The following PTPRD variants were observed in gnomAD, a reference collection of about 807,000 sequenced individuals.
The protein encoded by PTPRD is receptor-type tyrosine-protein phosphatase delta.
Under a neutral mutation model 214.5 loss-of-function variants are expected in PTPRD, and 34 were observed. The ratio of observed to expected loss-of-function variants is 0.16; its 90% CI spans 0.12 to 0.21. The LOEUF (loss-of-function observed/expected upper bound fraction) is 0.21. PTPRD is among the 10% of genes least tolerant of loss of function. The pLI, the probability that PTPRD is intolerant of heterozygous loss-of-function variation, is 1.00. For synonymous variants in PTPRD, 1,128 were observed against 845.7 expected (o/e 1.33, Z -5.79); for missense variants, 2,545 against 2,398.7 (o/e 1.06, Z -1.27).
intron 2 of PTPRD, among the ~76,000 whole-genome samples, chr9:10,556,451 C>T (rs1302410576): frequency 6.6e-6 from 1 of 151,872 alleles, no homozygotes; most frequent in Non-Finnish European, 1.5e-5. Flanking sequence ...TTCTATAGGG[C>T]ACATATATTA....
chr9:8,443,896 G>C (rs536474845), intron 34 of PTPRD, among the ~76,000 whole-genome samples: 52 of 152,166 alleles, frequency 3.4e-4, no homozygotes, highest in African/African-American at 1.1e-3. Flanking sequence ...ACACATATTA[G>C]TAATTTGTTT....
chr9:8,565,721 C>T (rs1390549843), intron 14 of PTPRD, among the ~76,000 whole-genome samples: 2 of 152,240 alleles, frequency 1.3e-5, no homozygotes, highest in Admixed American at 1.3e-4. Flanking sequence ...ATTTAAACTG[C>T]TAAAGATCCT....
intron 2 of PTPRD, among the ~76,000 whole-genome samples, chr9:10,371,849 T>C (rs1301727188): frequency 6.6e-6 from 1 of 152,158 alleles, no homozygotes; most frequent in Non-Finnish European, 1.5e-5. Flanking sequence ...ACATACCTAC[T>C]GCCTTGTACC....
intron 2 of PTPRD, among the ~76,000 whole-genome samples, chr9:10,463,902 C>T (rs1227991836): frequency 2.0e-5 from 3 of 152,088 alleles, no homozygotes; most frequent in Admixed American, 2.0e-4. Context: ...CCCTTTTATT[C>T]TGCAGAGGTT....
chr9:10,272,232 T>G (rs932908826), intron 3 of PTPRD, among the ~76,000 whole-genome samples: 3 of 152,364 alleles, frequency 2.0e-5, no homozygotes, highest in Admixed American at 2.0e-4. Context: ...CTGGCTTCTT[T>G]CGCTTAACAT....
chr9:8,441,855 T>C (rs979329004), intron 34 of PTPRD, among the ~76,000 whole-genome samples: 1 of 152,188 alleles, frequency 6.6e-6, no homozygotes, highest in Non-Finnish European at 1.5e-5. Context: ...TCTGATCCCA[T>C]ACCCCGTACA....
In PTPRD at chr9:10,047,600, A is replaced by T. The variant is rs191157055; in HGVS notation, c.-544-13810T>A. On this transcript the variant is annotated intron_variant, in intron 3 of 45. Coordinates refer to ENST00000381196, the MANE Select transcript of PTPRD (RefSeq NM_002839.4). ...TTTTTGTTCCCACCTCTATGGCTCCAACATTTATACCCCTGCCAAAATTTG... is the reference window on the plus strand; with the variant it reads ...TTTTTGTTCCCACCTCTATGGCTCCTACATTTATACCCCTGCCAAAATTTG... Among the ~76,000 whole-genome samples, 5 of 152,108 alleles carry T rather than the reference A, an allele frequency of 3.3e-5. No homozygotes were observed. In the East Asian group the frequency reaches 9.7e-4, roughly 29 times the overall value.
At chr9:9,712,137 A>T (rs1003321777) in intron 7 of PTPRD, among the ~76,000 whole-genome samples, 2 of 152,162 alleles carry the variant, frequency 1.3e-5, no homozygotes, top group African/African-American at 4.8e-5. Flanking sequence ...AACCAAATAT[A>T]AAATTATAAC....
At chr9:10,338,811 T>C (rs1409408537) in intron 3 of PTPRD, among the ~76,000 whole-genome samples, 1 of 151,646 alleles carries the variant, frequency 6.6e-6, no homozygotes, top group Non-Finnish European at 1.5e-5. Flanking sequence ...TATTTTTCTC[T>C]AAGAAAGTGA....
chr9:8,486,404 A>G (rs2135988038), intron 27 of PTPRD, 55 bp from the exon 28 acceptor site: 1 of 1,446,416 alleles, frequency 6.9e-7, no homozygotes, highest in East Asian at 2.3e-5. Context: ...TTCACATTTC[A>G]GTCATTGCCA....
intron 12 of PTPRD, among the ~76,000 whole-genome samples, chr9:8,670,642 T>C (rs566943993): frequency 3.3e-5 from 5 of 152,294 alleles, no homozygotes; most frequent in Admixed American, 3.3e-4. Context: ...AAATTTGTTT[T>C]TTAAAAATCT....
intron 2 of PTPRD, among the ~76,000 whole-genome samples, chr9:10,481,230 T>C (rs2099095752): frequency 6.6e-6 from 1 of 152,214 alleles, no homozygotes; most frequent in Non-Finnish European, 1.5e-5. Flanking sequence ...ATCAAGCCAA[T>C]GAATGTCATT....
intron 5 of PTPRD, among the ~76,000 whole-genome samples, chr9:9,893,423 G>T (rs2074022981): frequency 6.6e-6 from 1 of 152,112 alleles, no homozygotes; most frequent in African/African-American, 2.4e-5. Context: ...AAAATAATGA[G>T]ATGGAGGAAC....
chr9:8,344,089 GTC>G (rs1243507710), intron 39 of PTPRD, among the ~76,000 whole-genome samples: 3 of 152,044 alleles, frequency 2.0e-5, no homozygotes, highest in African/African-American at 4.8e-5. Flanking sequence ...GAAAAGATTT[GTC>G]TTTCTGGGTT....
In PTPRD at chr9:9,300,730, C is replaced by T. The variant is rs1954945833; in HGVS notation, c.-203+96719G>A. Reference sequence around the variant, plus strand: ...GTCACCAGTACCTCATCATGCTGTGCCCTGATCTCAGACTTTCAATTTTTA... The same window carrying T: ...GTCACCAGTACCTCATCATGCTGTGTCCTGATCTCAGACTTTCAATTTTTA... On this transcript the variant is annotated intron_variant, in intron 9 of 45. Transcript: ENST00000381196. Among the ~76,000 whole-genome samples, 8 of 151,868 alleles carry T rather than the reference C, an allele frequency of 5.3e-5. No homozygotes were observed. The South Asian group carries it at 1.7e-3, about 32-fold the overall frequency.
At chr9:8,918,378 C>T (rs1346234695) in intron 11 of PTPRD, among the ~76,000 whole-genome samples, 1 of 152,122 alleles carries the variant, frequency 6.6e-6, no homozygotes, top group African/African-American at 2.4e-5. Context: ...TTAGCCTTAC[C>T]TTTGGAACTT....
intron 7 of PTPRD, among the ~76,000 whole-genome samples, chr9:9,703,755 C>G (rs1315606071): frequency 6.6e-6 from 1 of 151,984 alleles, no homozygotes; most frequent in African/African-American, 2.4e-5. Flanking sequence ...TCTTAGAAAT[C>G]AGGGAGATTA....
chr9:9,766,485 T>C (rs2098708005), intron 6 of PTPRD, among the ~76,000 whole-genome samples: 1 of 152,196 alleles, frequency 6.6e-6, no homozygotes, highest in African/African-American at 2.4e-5. Context: ...TTCAATAATT[T>C]CATCTTCAGA....
At chr9:8,891,717 T>A (rs760613668) in intron 11 of PTPRD, among the ~76,000 whole-genome samples, 13 of 152,114 alleles carry the variant, frequency 8.5e-5, no homozygotes, top group Non-Finnish European at 1.9e-4. Context: ...AAGTAGTATG[T>A]TAATGGTGCC....
Sources: gnomAD v4.1 joint callset for allele counts (sites outside exome capture counted in the v4.1 genomes callset) on GRCh38, gnomAD v4.1.1 for gene constraint, MANE v1.5 for transcripts, NCBI Gene and HGNC (gene_info 2026-07-23, HGNC 2026-07-21) for gene names.